MAPK8: variants seen among roughly 807,000 people sequenced by gnomAD.
The protein encoded by MAPK8 is mitogen-activated protein kinase 8, also known as JUN N-terminal kinase.
MAPK8 carries 13 observed loss-of-function variants against 52.9 expected under a neutral mutation model. That is an observed-to-expected ratio of 0.25 (90% CI 0.16 to 0.39). The LOEUF is 0.39. Among genes scored for constraint, MAPK8 ranks in the 10% least tolerant of loss-of-function variants. MAPK8 has a pLI of 1.00. For missense variants in MAPK8, 300 were observed against 519.2 expected, an observed-to-expected ratio of 0.58 and a Z score of 4.10; for synonymous variants, 191 against 169.8, an observed-to-expected ratio of 1.12 and a Z score of -0.97.
intron 1 of MAPK8, among the ~76,000 whole-genome samples, chr10:48,321,837 A>T (rs374252247): frequency 6.6e-6 from 1 of 152,204 alleles, no homozygotes; most frequent in East Asian, 1.9e-4. Context: ...TCTGAATTCT[A>T]TTCCATTGAT....
intron 2 of MAPK8, among the ~76,000 whole-genome samples, chr10:48,402,190 ACT>A (rs2042194755): frequency 6.6e-6 from 1 of 152,184 alleles, no homozygotes; most frequent in African/African-American, 2.4e-5. Flanking sequence ...ATAAGATACA[ACT>A]CTATAAACTA....
At chr10:48,390,954 A>G (rs898447361) in intron 1 of MAPK8, among the ~76,000 whole-genome samples, 8 of 152,250 alleles carry the variant, frequency 5.3e-5, no homozygotes, top group Admixed American at 3.9e-4. Flanking sequence ...ATAAGTAAAT[A>G]TACAGCAAAG....
chr10:48,416,151 A>G (rs551888569), intron 5 of MAPK8, among the ~76,000 whole-genome samples: 63 of 152,304 alleles, frequency 4.1e-4, no homozygotes, highest in African/African-American at 1.5e-3. Flanking sequence ...CTTACTTGGT[A>G]AAATAACCTG....
At chr10:48,424,242 T>A in intron 7 of MAPK8, 83 bp downstream of exon 7, 1 of 1,256,596 alleles carries the variant, frequency 8.0e-7, no homozygotes, top group Non-Finnish European at 1.1e-6. Context: ...ATGCTACATT[T>A]ACACAGATGG....
intron 1 of MAPK8, among the ~76,000 whole-genome samples, chr10:48,384,036 C>T (rs1487076474): frequency 6.6e-6 from 1 of 152,124 alleles, no homozygotes; most frequent in African/African-American, 2.4e-5. Context: ...GCAGGTGGAT[C>T]ACTTGAGGTC....
At chr10:48,417,860 G>T (rs1252582631) in intron 5 of MAPK8, among the ~76,000 whole-genome samples, 1 of 152,130 alleles carries the variant, frequency 6.6e-6, no homozygotes, top group Non-Finnish European at 1.5e-5. Flanking sequence ...TGCTTTAAAA[G>T]GTGGCTACTT....
At chr10:48,324,072 C>T (rs886733931) in intron 1 of MAPK8, among the ~76,000 whole-genome samples, 2 of 152,180 alleles carry the variant, frequency 1.3e-5, no homozygotes, top group African/African-American at 2.4e-5. Context: ...AAGAATATTA[C>T]GGTAAACACC....
chr10:48,396,396 G>A (rs944254515), intron 1 of MAPK8, among the ~76,000 whole-genome samples: 5 of 152,126 alleles, frequency 3.3e-5, no homozygotes, highest in African/African-American at 1.2e-4. Context: ...GCCATGATGA[G>A]ATATGACACA....
chr10:48,416,767 T>G (rs1365536495), intron 5 of MAPK8, among the ~76,000 whole-genome samples: 1 of 152,192 alleles, frequency 6.6e-6, no homozygotes, highest in East Asian at 1.9e-4. Flanking sequence ...TTGCCGTGGG[T>G]GGGGAATATT....
At chr10:48,342,494 CAGTG>C (rs1400768850) in intron 1 of MAPK8, among the ~76,000 whole-genome samples, 4 of 152,286 alleles carry the variant, frequency 2.6e-5, no homozygotes, top group South Asian at 4.1e-4. Context: ...AATGAGGAAT[CAGTG>C]AGCAGATTTT....
intron 6 of MAPK8, among the ~76,000 whole-genome samples, chr10:48,423,500 T>G (rs561172537): frequency 6.6e-6 from 1 of 152,180 alleles, no homozygotes; most frequent in African/African-American, 2.4e-5. Context: ...AGAAAACAAA[T>G]GGACTTTTAA....
intron 1 of MAPK8, among the ~76,000 whole-genome samples, chr10:48,342,139 T>C (rs575569150): frequency 5.4e-4 from 83 of 152,332 alleles, no homozygotes; most frequent in African/African-American, 2.0e-3. Flanking sequence ...ACGGGGTCTC[T>C]GTTGCTTAGG....
intron 3 of MAPK8, among the ~76,000 whole-genome samples, chr10:48,406,944 T>C (rs900376672): frequency 1.3e-5 from 2 of 152,208 alleles, no homozygotes; most frequent in African/African-American, 2.4e-5. Flanking sequence ...AGAAATTTCG[T>C]CCCCATCTGA....
rs1199363010 is a variant in MAPK8, at chr10:48,435,276, AATT to A, written c.*251_*253del. The stretch of plus-strand genomic sequence containing the variant: ...GTAATTAACTGTATAATGTAAACCT[AATT>A]ATTTTATCATGGTTTAAATTTTTTG... On this transcript the variant is annotated 3_prime_UTR_variant, in exon 12 of 12. Coordinates refer to ENST00000374189, the MANE Select transcript of MAPK8 (RefSeq NM_001323329.2). The A allele has an allele frequency of 8.2e-6, 3 of 366,158 alleles. No individual in the cohort carries two copies. Among genetic ancestry groups the A allele is most frequent in the African/African-American group, 4.2e-5 (2 of 48,000 alleles). 22.7% of individuals were successfully genotyped at this position (366,158 alleles called of 1,614,324 possible).
At chr10:48,311,797 G>T (rs1842006959) in intron 1 of MAPK8, among the ~76,000 whole-genome samples, 1 of 152,120 alleles carries the variant, frequency 6.6e-6, no homozygotes, top group South Asian at 2.1e-4. Flanking sequence ...TCTGTTTAGC[G>T]TTTCTATGAT....
At chr10:48,323,542 AC>A (rs1288813112) in intron 1 of MAPK8, among the ~76,000 whole-genome samples, 1 of 152,250 alleles carries the variant, frequency 6.6e-6, no homozygotes, top group Non-Finnish European at 1.5e-5. Flanking sequence ...TATGAGAGAT[AC>A]AAAATGATAC....
At chr10:48,340,351 C>G (rs1019494312) in intron 1 of MAPK8, among the ~76,000 whole-genome samples, 1 of 152,092 alleles carries the variant, frequency 6.6e-6, no homozygotes, top group Non-Finnish European at 1.5e-5. Flanking sequence ...AGTGGGTACA[C>G]ATGGACGCAA....
intron 8 of MAPK8, 103 bp from the exon 9 acceptor site, chr10:48,426,276 AT>A: frequency 9.7e-7 from 1 of 1,034,158 alleles, no homozygotes; most frequent in Non-Finnish European, 1.4e-6. Context: ...TTACAGTAAT[AT>A]TTTTAAAACA....
At chr10:48,360,469 G>C (rs1847416587) in intron 1 of MAPK8, among the ~76,000 whole-genome samples, 1 of 152,156 alleles carries the variant, frequency 6.6e-6, no homozygotes, top group Non-Finnish European at 1.5e-5. Context: ...AATAACCCTA[G>C]AAAAGCATAA....
Sources: allele counts gnomAD v4.1 joint callset (sites outside exome capture counted in the v4.1 genomes callset), GRCh38; gene constraint gnomAD v4.1.1; transcripts MANE v1.5; gene names NCBI Gene and HGNC (gene_info 2026-07-23, HGNC 2026-07-21).